MIA2: variants seen among roughly 807,000 people sequenced by gnomAD.
MIA2 encodes the protein melanoma inhibitory activity protein 2.
Under a neutral mutation model 167.8 loss-of-function variants are expected in MIA2, and 127 were observed. The observed-to-expected ratio is 0.76, with a 90% CI of 0.66 to 0.88. The LOEUF (loss-of-function observed/expected upper bound fraction) is 0.88. Ranked by LOEUF, MIA2 falls within the 40% of genes least tolerant of loss-of-function variation. MIA2 has a pLI of 0.00. For missense variants in MIA2, 1,690 were observed against 1,624.7 expected (o/e 1.04, Z -0.69); for synonymous variants, 552 against 541.9 (o/e 1.02, Z -0.26).
chr14:39,339,125 C>T (rs905996855), intron 25 of MIA2, among the ~76,000 whole-genome samples: 3 of 152,126 alleles, frequency 2.0e-5, no homozygotes, highest in South Asian at 2.1e-4. Context: ...CCCTCACATG[C>T]GCAGTTCACA....
chr14:39,304,280 C>A lies in MIA2; in HGVS notation c.2788-11C>A, dbSNP rs367735511. On this transcript the variant is annotated splice_polypyrimidine_tract_variant and intron_variant, in intron 16 of 28. Coordinates refer to ENST00000640607, the MANE Select transcript of MIA2 (RefSeq NM_001329214.4). ...TTAATGTTACTTTTTTCCTTCTTCC[C>A]TTCTTTAAAGTTAAATGCTTCTTTA... 1.3e-4 allele frequency: 168 copies of A among 1,287,836 alleles called. No individual in the cohort carries two copies. In the African/African-American group the frequency reaches 2.3e-3, roughly 18 times the overall value. 79.8% of individuals were successfully genotyped at this position (1,287,836 alleles called of 1,614,324 possible).
chr14:39,343,654 G>A (rs868725310), intron 25 of MIA2, among the ~76,000 whole-genome samples: 22 of 151,416 alleles, frequency 1.5e-4, no homozygotes, highest in African/African-American at 3.4e-4. Flanking sequence ...TATTATAAGC[G>A]TAGAATACTA....
chr14:39,310,850 G>A (rs943971504), intron 18 of MIA2, among the ~76,000 whole-genome samples: 3 of 152,102 alleles, frequency 2.0e-5, no homozygotes, highest in African/African-American at 2.4e-5. Context: ...GACTGCTCAG[G>A]GTATGCAAGA....
intron 6 of MIA2, among the ~76,000 whole-genome samples, chr14:39,257,529 CTT>C (rs55934205): frequency 0.27 from 41,492 of 151,712 alleles, 5,821 homozygotes; most frequent in East Asian, 0.5. Context: ...GGTCTTGACT[CTT>C]TATCCAATTT....
intron 13 of MIA2, among the ~76,000 whole-genome samples, chr14:39,297,893 A>G (rs142585165): frequency 6.6e-6 from 1 of 152,186 alleles, no homozygotes; most frequent in Non-Finnish European, 1.5e-5. Context: ...GGTATATCAA[A>G]TCAGCCTACT....
At position 39,293,301 on chromosome 14, in the gene MIA2, T is replaced by C; in HGVS notation, c.2239T>C (p.Ser747Pro). 4 of 1,612,756 alleles carry C rather than the reference T, an allele frequency of 2.5e-6. No homozygotes were observed. Among genetic ancestry groups the C allele is most frequent in the Non-Finnish European group, 2.5e-6 (3 of 1,179,276 alleles). The change falls in exon 11 of 29, where the codon TCT becomes CCT. Residue 747 changes from serine to proline, a missense_variant. Physicochemically the swap from Ser to Pro is moderately conservative, Grantham distance 74 (BLOSUM62 -1). Coordinates refer to ENST00000640607, the MANE Select transcript of MIA2 (RefSeq NM_001329214.4). The stretch of plus-strand genomic sequence containing the variant: ...CTGTGAAAAGCTGAACAGGTCCAAT[T>C]CTGAACTTGAGGATGAAATACTCTG... ...ATCEKLNRSN[S>P]ELEDEILCLE...
intron 17 of MIA2, among the ~76,000 whole-genome samples, chr14:39,305,896 A>G (rs1290589069): frequency 1.3e-5 from 2 of 151,580 alleles, no homozygotes; most frequent in African/African-American, 4.8e-5. Flanking sequence ...AGGTTGCACC[A>G]CTGCACTCCA....
chr14:39,265,173 AT>A, intron 6 of MIA2: 1 of 490,310 alleles, frequency 2.0e-6, no homozygotes, highest in East Asian at 3.8e-5. Context: ...ATATATATAT[AT>A]ATACTTAACA....
chr14:39,356,679 G>T (rs1309572828), intron 23 of MIA2, among the ~76,000 whole-genome samples: 4 of 152,110 alleles, frequency 2.6e-5, no homozygotes, highest in African/African-American at 9.7e-5. Flanking sequence ...GCTTTCTCTT[G>T]TGGGCATTTA....
chr14:39,326,679 T>C (rs946100108), intron 24 of MIA2, among the ~76,000 whole-genome samples, 185 bp from the exon 25 acceptor site: 1 of 150,746 alleles, frequency 6.6e-6, no homozygotes, highest in East Asian at 1.9e-4. Context: ...AATCAGTTCT[T>C]ATAATTACTT....
chr14:39,365,708 A>G (rs1398006998), intron 23 of MIA2, among the ~76,000 whole-genome samples: 2 of 151,022 alleles, frequency 1.3e-5, no homozygotes, highest in Non-Finnish European at 1.5e-5. Context: ...GTAATTTCTC[A>G]TTTATATCCT....
rs550134754 is a variant in MIA2 at position 39,338,641 on chromosome 14, A to T, written c.3656-7263A>T. On this transcript the variant is annotated intron_variant, in intron 25 of 28. Coordinates refer to ENST00000640607, the MANE Select transcript of MIA2 (RefSeq NM_001329214.4). ...ACAGAAATATGTCCTGGGAATAACCAGTTCATTATAAATTCTTTATAAATA... is the reference window on the plus strand; with the variant it reads ...ACAGAAATATGTCCTGGGAATAACCTGTTCATTATAAATTCTTTATAAATA... 8.5e-4 allele frequency among the ~76,000 whole-genome samples: 129 copies of T among 152,360 alleles called. 2 individuals carry two copies. Among genetic ancestry groups the T allele is most frequent in the Admixed American group, 7.7e-3 (117 of 15,292 alleles).
chr14:39,299,426 A>C (rs145831397), intron 13 of MIA2, among the ~76,000 whole-genome samples: 1 of 148,246 alleles, frequency 6.7e-6, no homozygotes, highest in African/African-American at 2.5e-5. Context: ...TCCTGCCTCA[A>C]CTTCCTGAGT....
intron 14 of MIA2, among the ~76,000 whole-genome samples, chr14:39,300,672 TG>T (rs71130841): frequency 6.6e-5 from 4 of 61,036 alleles, no homozygotes; most frequent in Admixed American, 2.7e-4. Context: ...TGTTGTGGGG[TG>T]GGGGGAGGGG....
chr14:39,269,079 T>TG, intron 6 of MIA2: 2 of 523,078 alleles, frequency 3.8e-6, no homozygotes, highest in Non-Finnish European at 4.4e-6. Context: ...GCACAGTTTT[T>TG]TTTTTTTTTT....
Position 39,253,112 on chromosome 14 carries a change from A to C in MIA2, c.1828A>C (p.Ile610Leu). 1.9e-6 allele frequency: 3 copies of C among 1,604,840 alleles called. No homozygotes were observed. Among genetic ancestry groups the C allele is most frequent in the Non-Finnish European group, 2.6e-6 (3 of 1,175,602 alleles). The change falls in exon 6 of 29, where the codon ATT becomes CTT. Residue 610 changes from isoleucine (I) to leucine (L), a missense_variant. Ile to Leu is a conservative substitution (Grantham distance 5). Coordinates refer to ENST00000640607, the MANE Select transcript of MIA2 (RefSeq NM_001329214.4). ...EFQILKYLFQ[I>L]DVYDFMNSAF... ...TCAGATTCTGAAATACTTATTCCAA[A>C]TTGATGTTTATGATTTCATGAATTC...
At position 39,288,453 on chromosome 14, in the gene MIA2, A is replaced by ATTT. The variant is rs1566747188; in HGVS notation, c.2131-2565_2131-2564insTTT. ...TATACATATATATATATATATATATATATATATATATATATATATATATTT... is the reference window on the plus strand; with the variant it reads ...TATACATATATATATATATATATATATTTTATATATATATATATATATATATTT... On this transcript the variant is annotated intron_variant, in intron 9 of 28. Coordinates refer to ENST00000640607, the MANE Select transcript of MIA2 (RefSeq NM_001329214.4). Among the ~76,000 whole-genome samples, 110 of 13,796 alleles carry ATTT rather than the reference A, an allele frequency of 8.0e-3. 21 individuals carry two copies. The highest frequency in any genetic ancestry group is 0.014 in the African/African-American group (73 of 5,068). The allele number at this position is 13,796 out of a possible 152,430, so 9.1% of individuals were successfully genotyped here.
At chr14:39,235,492 C>A (rs918023061) in intron 1 of MIA2, among the ~76,000 whole-genome samples, 1 of 151,992 alleles carries the variant, frequency 6.6e-6, no homozygotes, top group Non-Finnish European at 1.5e-5. Flanking sequence ...TCATAATAAT[C>A]TTTTGCTGGG....
At chr14:39,349,822 G>T (rs904579898) in intron 28 of MIA2, among the ~76,000 whole-genome samples, 2 of 152,108 alleles carry the variant, frequency 1.3e-5, no homozygotes, top group African/African-American at 2.4e-5. Flanking sequence ...TTTACAGTAA[G>T]TTTTATATAT....
Sources: allele counts gnomAD v4.1 joint callset (sites outside exome capture counted in the v4.1 genomes callset), GRCh38; gene constraint gnomAD v4.1.1; transcripts MANE v1.5; gene names NCBI Gene and HGNC (gene_info 2026-07-23, HGNC 2026-07-21).